The following KCNIP4 variants were observed in gnomAD, a reference collection of about 807,000 sequenced individuals.
KCNIP4 encodes potassium voltage-gated channel interacting protein 4, also known as Kv channel-interacting protein 4.
In KCNIP4, 12 loss-of-function variants were observed where a neutral mutation model predicts 34.0. The observed-to-expected ratio is 0.35, with a 90% CI of 0.23 to 0.57. The LOEUF (loss-of-function observed/expected upper bound fraction) is 0.57, where lower values mean the gene tolerates loss of function less well. KCNIP4 is among the 20% of genes least tolerant of loss of function. The pLI, the probability that KCNIP4 is intolerant of heterozygous loss-of-function variation, is 0.83. For missense variants in KCNIP4, 238 were observed against 311.7 expected (o/e 0.76, Z 1.78); for synonymous variants, 124 against 102.2 (o/e 1.21, Z -1.29).
chr4:21,088,675 C>T lies in KCNIP4; in HGVS notation c.62-205966G>A, dbSNP rs544342993. ...GAAACAGGCCTGGAATTACTCTTCC[C>T]TACTCCTTCTTCCTATTAACTCCTC... On this transcript the variant is annotated intron_variant, in intron 1 of 8. Coordinates refer to ENST00000382152, the MANE Select transcript of KCNIP4 (RefSeq NM_025221.6). 1.9e-3 allele frequency among the ~76,000 whole-genome samples: 296 copies of T among 152,228 alleles called. 1 individual carries two copies. Among genetic ancestry groups the T allele is most frequent in the South Asian group, 0.013 (63 of 4,822 alleles).
chr4:21,006,855 G>A (rs112377044), intron 1 of KCNIP4, among the ~76,000 whole-genome samples: 4 of 152,118 alleles, frequency 2.6e-5, no homozygotes, highest in Non-Finnish European at 5.9e-5. Context: ...GTGCAGAATG[G>A]GGCATGACAG....
At chr4:20,958,256 G>A (rs1403580989) in intron 1 of KCNIP4, among the ~76,000 whole-genome samples, 1 of 152,194 alleles carries the variant, frequency 6.6e-6, no homozygotes, top group East Asian at 1.9e-4. Context: ...GGCCAGTGAA[G>A]TTCCTCTTTC....
chr4:21,579,636 C>A (rs957385538), intron 1 of KCNIP4, among the ~76,000 whole-genome samples: 2 of 151,964 alleles, frequency 1.3e-5, no homozygotes, highest in African/African-American at 2.4e-5. Flanking sequence ...CCCTCAAACA[C>A]CTTGCTTTTT....
chr4:21,393,110 A>G (rs1160681776), intron 1 of KCNIP4, among the ~76,000 whole-genome samples: 1 of 152,180 alleles, frequency 6.6e-6, no homozygotes, highest in Non-Finnish European at 1.5e-5. Context: ...GGAAAAATTT[A>G]ATCAGTAGGT....
At chr4:21,430,423 T>G (rs1256166469) in intron 1 of KCNIP4, among the ~76,000 whole-genome samples, 3 of 149,174 alleles carry the variant, frequency 2.0e-5, no homozygotes, top group African/African-American at 4.9e-5. Flanking sequence ...TATGGGGGGG[T>G]GGGGTCATGC....
chr4:21,475,082 T>C (rs9685467), intron 1 of KCNIP4, among the ~76,000 whole-genome samples: 18,760 of 151,716 alleles, frequency 0.12, 1,323 homozygotes, highest in South Asian at 0.21. Flanking sequence ...TTGTTCTATG[T>C]TGCCTACCTT....
chr4:21,344,164 C>A (rs75490620), intron 1 of KCNIP4, among the ~76,000 whole-genome samples: 1 of 152,208 alleles, frequency 6.6e-6, no homozygotes, highest in East Asian at 1.9e-4. Context: ...TTTCCAATAA[C>A]CACAGACCCT....
At chr4:20,797,648 G>A (rs572054195) in intron 3 of KCNIP4, among the ~76,000 whole-genome samples, 123 of 152,274 alleles carry the variant, frequency 8.1e-4, no homozygotes, top group African/African-American at 2.9e-3. Context: ...AACCAGAAAC[G>A]GAAAGCAGGA....
intron 1 of KCNIP4, among the ~76,000 whole-genome samples, chr4:21,064,732 C>G (rs1577624745): frequency 1.3e-5 from 2 of 152,084 alleles, no homozygotes; most frequent in East Asian, 3.9e-4. Flanking sequence ...AGGGATTGGG[C>G]TATGGAGTAA....
intron 1 of KCNIP4, among the ~76,000 whole-genome samples, chr4:20,963,907 A>AT (rs927837165): frequency 2.0e-4 from 31 of 151,810 alleles, no homozygotes; most frequent in African/African-American, 7.5e-4. Context: ...AAATATATAT[A>AT]TAAAAAAAAA....
intron 1 of KCNIP4, among the ~76,000 whole-genome samples, chr4:20,919,822 TTTA>T (rs1729217112): frequency 1.3e-5 from 2 of 152,112 alleles, no homozygotes; most frequent in South Asian, 2.1e-4. Flanking sequence ...TCTTTAAAGC[TTTA>T]TTATTATCTC....
intron 1 of KCNIP4, among the ~76,000 whole-genome samples, chr4:21,078,846 C>T (rs191327630): frequency 1.2e-4 from 18 of 152,162 alleles, no homozygotes; most frequent in Admixed American, 9.2e-4. Flanking sequence ...ACTCACTCTG[C>T]CCCTGGGGAG....
At chr4:20,939,978 AT>A (rs1577400990) in intron 1 of KCNIP4, among the ~76,000 whole-genome samples, 4 of 152,196 alleles carry the variant, frequency 2.6e-5, no homozygotes, top group Non-Finnish European at 5.9e-5. Flanking sequence ...CTCCTAAGCA[AT>A]GCTCTACGAA....
chr4:21,204,080 C>A (rs1308496549), intron 1 of KCNIP4, among the ~76,000 whole-genome samples: 2 of 152,144 alleles, frequency 1.3e-5, no homozygotes, highest in Non-Finnish European at 2.9e-5. Context: ...GTGCCCCAGT[C>A]GGTACTTGAT....
At chr4:20,986,849 T>C (rs1736624474) in intron 1 of KCNIP4, among the ~76,000 whole-genome samples, 1 of 152,198 alleles carries the variant, frequency 6.6e-6, no homozygotes, top group African/African-American at 2.4e-5. Context: ...TTCAGGACAA[T>C]AGCATTCTCT....
chr4:20,854,216 A>T (rs1721339852), intron 2 of KCNIP4, among the ~76,000 whole-genome samples: 1 of 152,242 alleles, frequency 6.6e-6, no homozygotes, highest in Admixed American at 6.5e-5. Flanking sequence ...CACAATTCAC[A>T]ATTGCAAAAT....
chr4:21,495,560 G>A (rs1732781252), intron 1 of KCNIP4, among the ~76,000 whole-genome samples: 1 of 151,890 alleles, frequency 6.6e-6, no homozygotes, highest in Non-Finnish European at 1.5e-5. Context: ...TTTGTGGTAT[G>A]ATGACCACAG....
intron 1 of KCNIP4, among the ~76,000 whole-genome samples, chr4:21,080,929 A>G (rs1164832890): frequency 6.6e-6 from 1 of 151,902 alleles, no homozygotes; most frequent in Admixed American, 6.6e-5. Context: ...GAAGAGTAGC[A>G]TGAAGTCTAT....
At chr4:20,914,360 G>C (rs1728608947) in intron 1 of KCNIP4, among the ~76,000 whole-genome samples, 1 of 152,008 alleles carries the variant, frequency 6.6e-6, no homozygotes, top group African/African-American at 2.4e-5. Flanking sequence ...CATGAGGATG[G>C]AGTCCTCATA....
Sources: gnomAD v4.1 joint callset for allele counts (sites outside exome capture counted in the v4.1 genomes callset) on GRCh38, gnomAD v4.1.1 for gene constraint, MANE v1.5 for transcripts, NCBI Gene and HGNC (gene_info 2026-07-23, HGNC 2026-07-21) for gene names.